RRBP1: variants seen among roughly 807,000 people sequenced by gnomAD.
RRBP1 encodes ribosome binding protein 1.
A neutral mutation model predicts 165.2 loss-of-function variants in RRBP1; 94 were observed. That is an observed-to-expected ratio of 0.57 (90% CI 0.48 to 0.68). The LOEUF (loss-of-function observed/expected upper bound fraction) is 0.68, where lower values mean the gene tolerates loss of function less well. RRBP1 is among the 30% of genes least tolerant of loss of function. The probability of loss-of-function intolerance (pLI) is 0.00; values close to 1 mark genes in which losing one functional copy is unlikely to be tolerated. For synonymous variants in RRBP1, 680 were observed against 714.5 expected, an observed-to-expected ratio of 0.95 and a Z score of 0.77; for missense variants, 1,676 against 1,763.0, an observed-to-expected ratio of 0.95 and a Z score of 0.88.
At chr20:17,615,633 G>C in intron 22 of RRBP1, 104 bp from the exon 23 acceptor site, 1 of 830,250 alleles carries the variant, frequency 1.2e-6, no homozygotes, top group Non-Finnish European at 1.8e-6. Flanking sequence ...CCCCCAGCCT[G>C]ATGGAGCAAC....
chr20:17,629,906 C>A lies in RRBP1; in HGVS notation c.2666G>T (p.Arg889Leu). ...GCTGCTCTGCGTGTGGCACAGCTCC[C>A]GGCTGACCTCGTCCAGGCGCTTCTG... The part of the protein sequence containing the change: ...ALQKRLDEVS[R>L]ELCHTQSSHA... The change falls in exon 9 of 25, where the codon CGG (arginine) becomes CTG (leucine). Residue 889 changes from arginine (R) to leucine (L), a missense_variant. Transcript: ENST00000377813. The A allele has an allele frequency of 6.2e-7, 1 of 1,600,208 alleles. No homozygotes were observed.
intron 7 of RRBP1, among the ~76,000 whole-genome samples, chr20:17,633,999 G>A (rs1018677677): frequency 4.6e-5 from 7 of 152,174 alleles, no homozygotes; most frequent in South Asian, 2.1e-4. Flanking sequence ...GAGTCCACGC[G>A]CCCCCTCACT....
intron 2 of RRBP1, among the ~76,000 whole-genome samples, chr20:17,664,211 A>G (rs964986512): frequency 4.6e-5 from 7 of 152,204 alleles, no homozygotes; most frequent in African/African-American, 1.7e-4. Flanking sequence ...CAGACAGTGG[A>G]TCTGAAAGCT....
At chr20:17,626,384 G>T (rs2036021092) in intron 11 of RRBP1, among the ~76,000 whole-genome samples, 1 of 152,182 alleles carries the variant, frequency 6.6e-6, no homozygotes, top group Admixed American at 6.5e-5. Flanking sequence ...GACAAGGTTT[G>T]GTTGTGGGTC....
chr20:17,625,419 G>T, intron 12 of RRBP1, 93 bp downstream of exon 12: 2 of 1,086,000 alleles, frequency 1.8e-6, no homozygotes, highest in Non-Finnish European at 2.8e-6. Context: ...GCCCTCCCCC[G>T]AGTCCAGGGC....
chr20:17,654,205 G>C (rs879443042), intron 3 of RRBP1, among the ~76,000 whole-genome samples: 3 of 152,190 alleles, frequency 2.0e-5, no homozygotes, highest in Non-Finnish European at 2.9e-5. Flanking sequence ...CCCTGTAGGA[G>C]AGCCTTTGTC....
Position 17,659,599 on chromosome 20 carries a change from T to A in RRBP1, c.909A>T (p.Glu303Asp). 1 of 1,500,832 alleles carries A rather than the reference T, an allele frequency of 6.7e-7. No individual in the cohort carries two copies. The highest frequency in any genetic ancestry group is 8.9e-7 in the Non-Finnish European group (1 of 1,118,834). 93.0% of individuals were successfully genotyped at this position (1,500,832 alleles called of 1,614,324 possible). ...EGAQNQAKKV[E>D]GAQNQGKKAE... ...CCTTTTTGCCCTGGTTCTGGGCCCC[T>A]TCTACCTTTTTGGCCTGGTTCTGAG... Residue 303 changes from glutamate (E) to aspartate (D), a missense_variant, in exon 3 of 25, where the codon GAA becomes GAT. Physicochemically the swap from Glu to Asp is conservative, Grantham distance 45 (BLOSUM62 2). This residue lies in a region of RRBP1 where 392 missense variants were observed against 382.5 expected (regional missense o/e 1.02). Coordinates refer to ENST00000377813, the MANE Select transcript of RRBP1 (RefSeq NM_001365613.2).
Position 17,659,047 on chromosome 20 carries a change from G to C in RRBP1, c.1461C>G (p.Asn487Lys), listed in dbSNP as rs2036700962. Residue 487 changes from asparagine (N) to lysine (K), a missense_variant, in exon 3 of 25, where the codon AAC becomes AAG. Asn to Lys is a moderately conservative substitution (Grantham distance 94). Coordinates refer to ENST00000377813, the MANE Select transcript of RRBP1 (RefSeq NM_001365613.2). Reference sequence around the variant, plus strand: ...GAGCCCCCTCGGCCTTCTTGCCCTGGTTCTGGGCCCCCTCAGCCTTCTTGC... The same window carrying C: ...GAGCCCCCTCGGCCTTCTTGCCCTGCTTCTGGGCCCCCTCAGCCTTCTTGC... ...NQGKKAEGAQNQGKKAEGAQN... is the reference protein window; with the variant it reads ...NQGKKAEGAQKQGKKAEGAQN... 6.4e-7 allele frequency: 1 copy of C among 1,558,050 alleles called. No individual in the cohort carries two copies. Among genetic ancestry groups the C allele is most frequent in the Non-Finnish European group, 8.7e-7 (1 of 1,150,822 alleles).
At chr20:17,658,002 T>C (rs1291010537) in intron 3 of RRBP1, among the ~76,000 whole-genome samples, 1 of 152,186 alleles carries the variant, frequency 6.6e-6, no homozygotes, top group Non-Finnish European at 1.5e-5. Flanking sequence ...TAAGAAAGAC[T>C]TGCCAACACG....
chr20:17,623,634 T>TA (rs1439297450), intron 13 of RRBP1, among the ~76,000 whole-genome samples: 1 of 152,166 alleles, frequency 6.6e-6, no homozygotes, highest in Non-Finnish European at 1.5e-5. Flanking sequence ...CTCTGTGACT[T>TA]AAAGACTCCT....
rs1468471475 is a variant in RRBP1, at chr20:17,659,643, C to T, written c.865G>A (p.Gly289Ser). The T allele has an allele frequency of 6.4e-7, 1 of 1,550,490 alleles. No homozygotes were observed. The highest frequency in any genetic ancestry group is 1.4e-5 in the African/African-American group (1 of 73,124). The change falls in exon 3 of 25, where the codon GGC becomes AGC. Residue 289 changes from glycine (G) to serine (S), a missense_variant. By Grantham distance (56) the Gly-to-Ser change is moderately conservative. Coordinates refer to ENST00000377813, the MANE Select transcript of RRBP1 (RefSeq NM_001365613.2). Reference protein sequence around the residue: ...GKKVEGAPTQGRKAEGAQNQA... With the variant: ...GKKVEGAPTQSRKAEGAQNQA... Reference sequence around the variant, plus strand: ...TTCTGAGCCCCCTCGGCCTTTCTGCCCTGGGTTGGGGCCCCCTCCACCTTT... The same window carrying T: ...TTCTGAGCCCCCTCGGCCTTTCTGCTCTGGGTTGGGGCCCCCTCCACCTTT...
chr20:17,619,977 G>A (rs1465373754), intron 18 of RRBP1, among the ~76,000 whole-genome samples: 2 of 152,170 alleles, frequency 1.3e-5, no homozygotes, highest in Admixed American at 1.3e-4. Context: ...AGGTACCAAG[G>A]GTACCTTCTC....
chr20:17,643,073 G>A lies in RRBP1; in HGVS notation c.1967C>T (p.Thr656Met), dbSNP rs200577349. Residue 656 changes from threonine to methionine, a missense_variant, in exon 4 of 25, where the codon ACG (threonine) becomes ATG (methionine). By Grantham distance (81) the Thr-to-Met change is moderately conservative (BLOSUM62 -1). Coordinates refer to ENST00000377813, the MANE Select transcript of RRBP1 (RefSeq NM_001365613.2). This position sits in a 1 kb window ranked among gnomAD's most constrained non-coding sequence, Gnocchi z 4.3. ...LYLPYKTLVSTVGSMVFNEGE... is the reference protein window; with the variant it reads ...LYLPYKTLVSMVGSMVFNEGE... Reference sequence around the variant, plus strand: ...CTCGTTGAACACCATGCTCCCAACCGTGGAGACCAGCGTCTTGTAGGGGAG... The same window carrying A: ...CTCGTTGAACACCATGCTCCCAACCATGGAGACCAGCGTCTTGTAGGGGAG... 7.2e-5 allele frequency: 116 copies of A among 1,613,988 alleles called. No individual in the cohort carries two copies. Among genetic ancestry groups the A allele is most frequent in the Non-Finnish European group, 9.2e-5 (108 of 1,180,026 alleles).
intron 8 of RRBP1, among the ~76,000 whole-genome samples, chr20:17,631,914 G>A (rs1345743797): frequency 1.3e-5 from 2 of 152,208 alleles, no homozygotes; most frequent in African/African-American, 2.4e-5. Flanking sequence ...AACCTCAACC[G>A]CCAGTCTGAC....
In RRBP1 at chr20:17,652,679, G is replaced by A. The variant is rs551703671; in HGVS notation, c.1912+5917C>T. ...ACACATGACCCCCAGAGAAGCTGGA[G>A]TGGGCAGGCCCCAGACTGACAGGAA... is the stretch of plus-strand genomic sequence containing the variant. On this transcript the variant is annotated intron_variant, in intron 3 of 24. Transcript: ENST00000377813. 1.8e-3 allele frequency among the ~76,000 whole-genome samples: 274 copies of A among 152,296 alleles called. 4 individuals carry two copies. Among genetic ancestry groups the A allele is most frequent in the Middle Eastern group, 3.4e-3 (1 of 294 alleles).
Position 17,660,465 on chromosome 20 carries a change from CA to C in RRBP1, c.42del (p.Phe14LeufsTer20). 1.2e-6 allele frequency: 2 copies of C among 1,614,150 alleles called. No homozygotes were observed. The highest frequency in any genetic ancestry group is 1.7e-6 in the Non-Finnish European group (2 of 1,180,030). On this transcript the variant is annotated frameshift_variant, in exon 3 of 25. Transcript: ENST00000377813. LOFTEE classifies it high-confidence loss of function. ...ATGGCAGAAACAACCATGAATCCTCCAAAGACCACAACCCCCAAGGTTTGAG... is the reference window on the plus strand; with the variant it reads ...ATGGCAGAAACAACCATGAATCCTCCAAGACCACAACCCCCAAGGTTTGAG... ...YDTQTLGVVV[F>X]GGFMVVSAIG... is the part of the protein sequence containing the mutation.
At position 17,629,306 on chromosome 20, in the gene RRBP1, G is replaced by A. The variant is rs542163053; in HGVS notation, c.2749+517C>T. ...CAGCTCCCTTTCTCCAGGGGCTCTCGGCCCTCCATCCCTGTCACCCTTTCC... is the reference window on the plus strand; with the variant it reads ...CAGCTCCCTTTCTCCAGGGGCTCTCAGCCCTCCATCCCTGTCACCCTTTCC... On this transcript the variant is annotated intron_variant, in intron 9 of 24. Coordinates refer to ENST00000377813, the MANE Select transcript of RRBP1 (RefSeq NM_001365613.2). 5.9e-5 allele frequency among the ~76,000 whole-genome samples: 9 copies of A among 152,320 alleles called. No individual in the cohort carries two copies. The East Asian group carries it at 9.7e-4, about 16-fold the overall frequency.
At chr20:17,663,974 A>G (rs556215603) in intron 2 of RRBP1, among the ~76,000 whole-genome samples, 4 of 152,186 alleles carry the variant, frequency 2.6e-5, no homozygotes, top group Non-Finnish European at 5.9e-5. Context: ...GAAACTTCCC[A>G]ACACCCCCAG....
At chr20:17,639,629 C>G (rs1169932373) in intron 5 of RRBP1, among the ~76,000 whole-genome samples, 1 of 152,026 alleles carries the variant, frequency 6.6e-6, no homozygotes, top group Admixed American at 6.6e-5. Context: ...GACGGTGGCT[C>G]GCAGCTGCAA....
Sources: gnomAD v4.1 joint callset for allele counts (sites outside exome capture counted in the v4.1 genomes callset) on GRCh38, gnomAD v4.1.1 for gene constraint, gnomAD v4.1.1 regional missense constraint, Gnocchi (gnomAD v3.1) non-coding constraint, MANE v1.5 for transcripts, NCBI Gene and HGNC (gene_info 2026-07-23, HGNC 2026-07-21) for gene names.